Variants in ADGRB3 observed in about 807,000 individuals in gnomAD.
The protein encoded by ADGRB3 is brain-specific angiogenesis inhibitor 3.
Under a neutral mutation model 193.4 loss-of-function variants are expected in ADGRB3, and 37 were observed. That is an observed-to-expected ratio of 0.19 (90% CI 0.15 to 0.25). The LOEUF is 0.25. ADGRB3 is among the 10% of genes least tolerant of loss of function. The pLI, the probability that ADGRB3 is intolerant of heterozygous loss-of-function variation, is 1.00. For missense variants in ADGRB3, 1,637 were observed against 1,852.9 expected, an observed-to-expected ratio of 0.88 and a Z score of 2.14; for synonymous variants, 690 against 644.2, an observed-to-expected ratio of 1.07 and a Z score of -1.08.
intron 3 of ADGRB3, among the ~76,000 whole-genome samples, chr6:68,918,427 C>T (rs1766941079): frequency 6.6e-6 from 1 of 152,148 alleles, no homozygotes; most frequent in African/African-American, 2.4e-5. Flanking sequence ...AATACAAAAT[C>T]ACTGGAAGGA....
chr6:68,826,692 G>A lies in ADGRB3; in HGVS notation c.758-103867G>A, dbSNP rs545509337. On this transcript the variant is annotated intron_variant, in intron 3 of 31. Coordinates refer to ENST00000370598, the MANE Select transcript of ADGRB3 (RefSeq NM_001704.3). ...ATAGCAACCTAGATGACAAAGGGTA[G>A]TGGTTTTCATCAGAACAATAGCAGT... Among the ~76,000 whole-genome samples, 179 of 152,330 alleles carry A rather than the reference G, an allele frequency of 1.2e-3. 1 individual carries two copies. The highest frequency in any genetic ancestry group is 4.1e-3 in the African/African-American group (172 of 41,582).
chr6:69,358,749 C>T (rs1311574840), intron 28 of ADGRB3, among the ~76,000 whole-genome samples: 2 of 151,740 alleles, frequency 1.3e-5, no homozygotes, highest in East Asian at 1.9e-4. Context: ...TAGTTTCTCT[C>T]GAAAGTCCCA....
At chr6:69,294,019 C>G (rs981206370) in intron 20 of ADGRB3, among the ~76,000 whole-genome samples, 1 of 152,104 alleles carries the variant, frequency 6.6e-6, no homozygotes, top group African/African-American at 2.4e-5. Context: ...TGGCATCTTC[C>G]TCCTATTGCT....
At chr6:69,106,716 A>G (rs1232362315) in intron 17 of ADGRB3, among the ~76,000 whole-genome samples, 1 of 152,224 alleles carries the variant, frequency 6.6e-6, no homozygotes, top group African/African-American at 2.4e-5. Context: ...GCTGCTGGGG[A>G]AACATTCATC....
intron 17 of ADGRB3, among the ~76,000 whole-genome samples, chr6:69,121,976 GCGGCCAGGCAGAGA>G (rs1462293980): frequency 6.1e-4 from 92 of 151,608 alleles, no homozygotes; most frequent in Admixed American, 9.8e-4. Flanking sequence ...CAGACGATGG[GCGGCCAGGCAGAGA>G]TGCTCCTCAC....
chr6:68,644,000 AAACAAACAAAC>A (rs1269706796), intron 3 of ADGRB3, among the ~76,000 whole-genome samples: 1 of 151,720 alleles, frequency 6.6e-6, no homozygotes, highest in Non-Finnish European at 1.5e-5. Context: ...AACAATAAAC[AAACAAACAAAC>A]AACAAACAAA....
At chr6:68,910,584 A>G (rs896872471) in intron 3 of ADGRB3, among the ~76,000 whole-genome samples, 5 of 152,164 alleles carry the variant, frequency 3.3e-5, no homozygotes, top group African/African-American at 1.2e-4. Context: ...ATTTTTGTAT[A>G]AGGTGTAAGG....
At chr6:69,144,433 G>A (rs1774424219) in intron 17 of ADGRB3, among the ~76,000 whole-genome samples, 2 of 152,034 alleles carry the variant, frequency 1.3e-5, no homozygotes, top group African/African-American at 4.8e-5. Context: ...TAGCTAGAAT[G>A]TACAGTATCA....
intron 15 of ADGRB3, among the ~76,000 whole-genome samples, chr6:69,054,640 G>A (rs1562139584): frequency 1.3e-5 from 2 of 152,112 alleles, no homozygotes; most frequent in South Asian, 2.1e-4. Context: ...ATATTGTGGT[G>A]TTACTTAGTG....
chr6:69,323,389 A>G (rs1768503964), intron 20 of ADGRB3, among the ~76,000 whole-genome samples: 1 of 152,036 alleles, frequency 6.6e-6, no homozygotes, highest in Non-Finnish European at 1.5e-5. Context: ...TTTAAACCGT[A>G]AATTGGAAAA....
At chr6:69,041,008 G>A (rs529687755) in intron 13 of ADGRB3, among the ~76,000 whole-genome samples, 1 of 152,248 alleles carries the variant, frequency 6.6e-6, no homozygotes, top group African/African-American at 2.4e-5. Context: ...TCTGGAACTT[G>A]GAGATCTTAA....
At chr6:69,367,342 T>C (rs986619059) in intron 29 of ADGRB3, among the ~76,000 whole-genome samples, 2 of 152,130 alleles carry the variant, frequency 1.3e-5, no homozygotes, top group African/African-American at 4.8e-5. Context: ...TGTGTCTTTA[T>C]AGCAGCATGA....
Position 68,639,245 on chromosome 6 carries a change from G to T in ADGRB3, c.570G>T (p.Gly190=). 1 of 1,614,110 alleles carries T rather than the reference G, an allele frequency of 6.2e-7. No individual in the cohort carries two copies. The highest frequency in any genetic ancestry group is 8.5e-7 in the Non-Finnish European group (1 of 1,180,020). Residue 190 remains glycine (G), a synonymous_variant, in exon 3 of 32, where the codon GGG becomes GGT. Transcript: ENST00000370598. ...AAAATGGGAGAACAGAATCATGTGG[G>T]ATCATGTATACAAAATGCACCTGCC... ...KSENGRTESC[G]IMYTKCTCPQ...
At chr6:69,054,315 C>G (rs1225767608) in intron 15 of ADGRB3, among the ~76,000 whole-genome samples, 1 of 152,060 alleles carries the variant, frequency 6.6e-6, no homozygotes, top group East Asian at 1.9e-4. Context: ...AAATTGAACT[C>G]ATTTGAATTC....
intron 17 of ADGRB3, among the ~76,000 whole-genome samples, chr6:69,095,790 TACAC>T (rs769030688): frequency 1.6e-4 from 24 of 152,074 alleles, no homozygotes; most frequent in Admixed American, 7.9e-4. Flanking sequence ...TAATACAACA[TACAC>T]ACACGCACAT....
At chr6:69,137,284 CT>C (rs1281664095) in intron 17 of ADGRB3, among the ~76,000 whole-genome samples, 1 of 151,846 alleles carries the variant, frequency 6.6e-6, no homozygotes, top group Non-Finnish European at 1.5e-5. Flanking sequence ...TATTTGAATA[CT>C]TTTTCAGTGA....
At chr6:68,739,433 ATAAGAGCT>A (rs1242149068) in intron 3 of ADGRB3, among the ~76,000 whole-genome samples, 1 of 152,192 alleles carries the variant, frequency 6.6e-6, no homozygotes, top group Non-Finnish European at 1.5e-5. Flanking sequence ...AACAAAGAGA[ATAAGAGCT>A]TGTCTTTAGG....
At chr6:69,310,328 G>A (rs1167966537) in intron 20 of ADGRB3, among the ~76,000 whole-genome samples, 2 of 151,692 alleles carry the variant, frequency 1.3e-5, no homozygotes, top group African/African-American at 2.4e-5. Context: ...GACAGATTCA[G>A]CTGTCACCAT....
chr6:69,319,177 A>G (rs1162610069), intron 20 of ADGRB3, among the ~76,000 whole-genome samples: 1 of 151,232 alleles, frequency 6.6e-6, no homozygotes, highest in South Asian at 2.1e-4. Context: ...AAGTTTTCAT[A>G]TATATGCTGC....
Sources: allele counts gnomAD v4.1 joint callset (sites outside exome capture counted in the v4.1 genomes callset), GRCh38; gene constraint gnomAD v4.1.1; transcripts MANE v1.5; gene names NCBI Gene and HGNC (gene_info 2026-07-23, HGNC 2026-07-21).